The following TEAD1 variants were observed in gnomAD, a reference collection of about 807,000 sequenced individuals.
The protein encoded by TEAD1 is transcriptional enhancer factor TEF-1.
A neutral mutation model predicts 54.9 loss-of-function variants in TEAD1; 9 were observed. The observed-to-expected ratio is 0.16, with a 90% confidence interval of 0.10 to 0.29. The LOEUF (loss-of-function observed/expected upper bound fraction) is 0.29, where lower values mean the gene tolerates loss of function less well. Ranked by LOEUF, TEAD1 falls within the 10% of genes least tolerant of loss-of-function variation. TEAD1 has a pLI of 1.00. For missense variants in TEAD1, 387 were observed against 535.9 expected (o/e 0.72, Z 2.74); for synonymous variants, 200 against 187.8 (o/e 1.07, Z -0.53).
chr11:12,843,446 T>A (rs1239296609), intron 3 of TEAD1, among the ~76,000 whole-genome samples: 1 of 152,252 alleles, frequency 6.6e-6, no homozygotes, highest in African/African-American at 2.4e-5. Context: ...AAATACTGTT[T>A]ATAGTCAGCT....
chr11:12,855,887 A>G (rs902426248), intron 3 of TEAD1, among the ~76,000 whole-genome samples: 6 of 151,448 alleles, frequency 4.0e-5, no homozygotes, highest in African/African-American at 1.5e-4. Flanking sequence ...GATCAAGGCT[A>G]CAGTGAGCCA....
At chr11:12,735,958 T>G (rs1399054393) in intron 2 of TEAD1, among the ~76,000 whole-genome samples, 4 of 152,216 alleles carry the variant, frequency 2.6e-5, no homozygotes, top group Non-Finnish European at 5.9e-5. Context: ...ACCTACCACT[T>G]CTGTGTCTCA....
At chr11:12,839,381 A>G (rs1946977082) in intron 3 of TEAD1, among the ~76,000 whole-genome samples, 1 of 152,234 alleles carries the variant, frequency 6.6e-6, no homozygotes, top group East Asian at 1.9e-4. Context: ...ACTGTACTCC[A>G]GCCTCGGTGA....
At chr11:12,925,929 T>C (rs1326208575) in intron 11 of TEAD1, among the ~76,000 whole-genome samples, 6 of 152,236 alleles carry the variant, frequency 3.9e-5, no homozygotes, top group Admixed American at 6.5e-5. Context: ...GTTTATTATA[T>C]ATTAGGATCC....
intron 3 of TEAD1, among the ~76,000 whole-genome samples, chr11:12,784,006 T>C (rs1353484108): frequency 6.6e-6 from 1 of 152,130 alleles, no homozygotes; most frequent in African/African-American, 2.4e-5. Context: ...CTGGAGGCTC[T>C]ATCTCCCATA....
In TEAD1 at chr11:12,879,780, G is replaced by A. The variant is rs368995296; in HGVS notation, c.403G>A (p.Ala135Thr). Residue 135 changes from alanine (A) to threonine (T), a missense_variant, in exon 6 of 13, where the codon GCC becomes ACC. Transcript: ENST00000527636. Reference sequence around the variant, plus strand: ...CTCAGCCCAGATCGTCTCGGCCACTGCCATTCATAACAAGCTGGGGCTGCC... The same window carrying A: ...CTCAGCCCAGATCGTCTCGGCCACTACCATTCATAACAAGCTGGGGCTGCC... The A allele has an allele frequency of 4.5e-5, 72 of 1,614,046 alleles. No individual in the cohort carries two copies. Among genetic ancestry groups the A allele is most frequent in the Non-Finnish European group, 5.7e-5 (67 of 1,180,052 alleles).
intron 2 of TEAD1, among the ~76,000 whole-genome samples, chr11:12,741,310 C>T (rs1447071663): frequency 6.6e-6 from 1 of 151,932 alleles, no homozygotes; most frequent in Non-Finnish European, 1.5e-5. Flanking sequence ...TCTTTCTGCT[C>T]ATAATTTTTG....
Position 12,674,465 on chromosome 11 carries a change from G to T in TEAD1, c.-577G>T. 1 of 151,600 alleles carries T rather than the reference G, an allele frequency of 6.6e-6. No individual in the cohort carries two copies. Among genetic ancestry groups the T allele is most frequent in the South Asian group, 1.9e-4 (1 of 5,264 alleles). The allele number at this position is 151,600 out of a possible 1,614,324, so 9.4% of individuals were successfully genotyped here. On this transcript the variant is annotated 5_prime_UTR_variant, in exon 1 of 13. Transcript: ENST00000527636. ...TCGCTCGCGCCGCGCCGCGCCGCCT[G>T]AGCCGAGCCGAGCCTCTGCTGCCGC...
At chr11:12,758,666 G>A (rs192057520) in intron 2 of TEAD1, among the ~76,000 whole-genome samples, 4 of 151,916 alleles carry the variant, frequency 2.6e-5, no homozygotes, top group African/African-American at 9.7e-5. Context: ...TGCCCGCCTC[G>A]GCCTCCCAAA....
chr11:12,680,789 G>C (rs983998305), intron 2 of TEAD1, among the ~76,000 whole-genome samples: 1 of 152,214 alleles, frequency 6.6e-6, no homozygotes, highest in Non-Finnish European at 1.5e-5. Context: ...CCCACATGCC[G>C]CCGCTGCTGG....
intron 3 of TEAD1, among the ~76,000 whole-genome samples, chr11:12,791,507 T>G (rs1277866818): frequency 6.6e-6 from 1 of 152,188 alleles, no homozygotes; most frequent in Non-Finnish European, 1.5e-5. Flanking sequence ...GGTGGGCAGG[T>G]CCTTCTTATA....
intron 10 of TEAD1, among the ~76,000 whole-genome samples, chr11:12,904,251 A>G (rs1948476324): frequency 7.5e-6 from 1 of 132,576 alleles, no homozygotes; most frequent in South Asian, 2.3e-4. Context: ...GTACACATTG[A>G]AAGTGAACAC....
chr11:12,812,047 AC>A (rs1293783132), intron 3 of TEAD1, among the ~76,000 whole-genome samples: 2 of 151,994 alleles, frequency 1.3e-5, no homozygotes, highest in African/African-American at 4.8e-5. Context: ...ACTGACACAC[AC>A]CTGCGATTGG....
intron 3 of TEAD1, among the ~76,000 whole-genome samples, chr11:12,823,125 T>C (rs959634444): frequency 3.3e-5 from 5 of 152,210 alleles, no homozygotes; most frequent in African/African-American, 1.2e-4. Context: ...AGAGAGAGCA[T>C]CTGTCCTGGT....
At chr11:12,815,204 TG>T (rs1345159390) in intron 3 of TEAD1, among the ~76,000 whole-genome samples, 2 of 152,158 alleles carry the variant, frequency 1.3e-5, no homozygotes, top group Admixed American at 6.5e-5. Flanking sequence ...TCTCCCGCAG[TG>T]GGCTGGAAGA....
At chr11:12,851,723 C>G (rs1185528225) in intron 3 of TEAD1, among the ~76,000 whole-genome samples, 1 of 151,866 alleles carries the variant, frequency 6.6e-6, no homozygotes, top group African/African-American at 2.4e-5. Flanking sequence ...TCACTTGAAC[C>G]CAGGAGGCAG....
intron 5 of TEAD1, among the ~76,000 whole-genome samples, chr11:12,868,216 C>G (rs1654239899): frequency 6.6e-6 from 1 of 152,138 alleles, no homozygotes; most frequent in African/African-American, 2.4e-5. Flanking sequence ...TGTTTTCCAG[C>G]CTTTTTAAAG....
At chr11:12,750,454 C>T (rs60213217) in intron 2 of TEAD1, among the ~76,000 whole-genome samples, 14,583 of 152,116 alleles carry the variant, frequency 0.096, 2,365 homozygotes, top group African/African-American at 0.34. Flanking sequence ...AGAGAACTGT[C>T]CTGGCCTTGG....
intron 5 of TEAD1, among the ~76,000 whole-genome samples, chr11:12,866,673 T>C (rs895229201): frequency 3.9e-5 from 6 of 152,284 alleles, no homozygotes; most frequent in Non-Finnish European, 8.8e-5. Flanking sequence ...ACAGAAGCAG[T>C]AGGATAGCAA....
Sources: allele counts gnomAD v4.1 joint callset (sites outside exome capture counted in the v4.1 genomes callset), GRCh38; gene constraint gnomAD v4.1.1; transcripts MANE v1.5; gene names NCBI Gene and HGNC (gene_info 2026-07-23, HGNC 2026-07-21).